The following EPB41L4B variants were observed in gnomAD, a reference collection of about 807,000 sequenced individuals.
EPB41L4B encodes the protein band 4.1-like protein 4B.
A neutral mutation model predicts 112.5 loss-of-function variants in EPB41L4B; 30 were observed. That is an observed-to-expected ratio of 0.27 (90% CI 0.20 to 0.36). EPB41L4B has a LOEUF of 0.36. Ranked by LOEUF, EPB41L4B falls within the 10% of genes least tolerant of loss-of-function variation. The pLI is 1.00. For synonymous variants in EPB41L4B, 408 were observed against 439.7 expected, an observed-to-expected ratio of 0.93 and a Z score of 0.90; for missense variants, 1,024 against 1,133.3, an observed-to-expected ratio of 0.90 and a Z score of 1.38.
intron 17 of EPB41L4B, 107 bp from the exon 18 acceptor site, chr9:109,208,156 A>T: frequency 7.5e-7 from 1 of 1,331,156 alleles, no homozygotes; most frequent in Non-Finnish European, 1.0e-6. Context: ...CTACATACAT[A>T]GACAGGGGTG....
chr9:109,278,912 T>C (rs991577878), intron 2 of EPB41L4B, among the ~76,000 whole-genome samples: 29 of 152,204 alleles, frequency 1.9e-4, no homozygotes, highest in Non-Finnish European at 2.5e-4. Flanking sequence ...CTGAGCTTTG[T>C]GGAGTTCACT....
At chr9:109,312,470 G>A (rs951266991) in intron 1 of EPB41L4B, among the ~76,000 whole-genome samples, 3 of 152,070 alleles carry the variant, frequency 2.0e-5, no homozygotes, top group African/African-American at 4.8e-5. Flanking sequence ...CTCAGGGGTC[G>A]CCATCCAGCT....
At chr9:109,181,891 T>C (rs1469727975) in intron 24 of EPB41L4B, among the ~76,000 whole-genome samples, 1 of 151,796 alleles carries the variant, frequency 6.6e-6, no homozygotes, top group African/African-American at 2.4e-5. Context: ...AGTATATAGA[T>C]ACAATGGAAT....
intron 20 of EPB41L4B, chr9:109,196,091 G>T (rs1409747810): frequency 6.6e-6 from 1 of 151,678 alleles, no homozygotes. Flanking sequence ...GGTTATTTTT[G>T]ATTCTGGGAA....
At chr9:109,233,823 C>T (rs1400193852) in intron 15 of EPB41L4B, among the ~76,000 whole-genome samples, 5 of 152,190 alleles carry the variant, frequency 3.3e-5, no homozygotes, top group African/African-American at 4.8e-5. Flanking sequence ...TGAGCCACCA[C>T]GCTTAGCCTG....
intron 6 of EPB41L4B, among the ~76,000 whole-genome samples, chr9:109,260,245 T>C (rs573580297): frequency 1.6e-3 from 241 of 151,990 alleles, no homozygotes; most frequent in African/African-American, 5.5e-3. Flanking sequence ...AATTTTTGTA[T>C]TTTTTGTAGA....
rs1480663224 is a variant in EPB41L4B, at chr9:109,255,660, C to A, written c.1020G>T (p.Thr340=). The A allele has an allele frequency of 1.9e-6, 3 of 1,613,112 alleles. No individual in the cohort carries two copies. Among genetic ancestry groups the A allele is most frequent in the Non-Finnish European group, 1.7e-6 (2 of 1,179,092 alleles). ...TGGCACTGTCTAACCGGAACACAAACGTGTGCTCTTGCTCACGTCCCTTAA... is the reference window on the plus strand; with the variant it reads ...TGGCACTGTCTAACCGGAACACAAAAGTGTGCTCTTGCTCACGTCCCTTAA... The part of the protein sequence containing the change: ...DDDQGREQEH[T]FVFRLDSART... The change falls in exon 11 of 26, where the codon ACG becomes ACT. Residue 340 remains threonine, a synonymous_variant. Transcript: ENST00000374566.
chr9:109,198,232 C>T (rs139365846), intron 20 of EPB41L4B, among the ~76,000 whole-genome samples: 36 of 152,214 alleles, frequency 2.4e-4, no homozygotes, highest in African/African-American at 7.2e-4. Flanking sequence ...TCCAGAATCC[C>T]GTGTCCTGTC....
chr9:109,315,169 T>C (rs564812112), intron 1 of EPB41L4B, among the ~76,000 whole-genome samples: 40 of 152,244 alleles, frequency 2.6e-4, no homozygotes, highest in African/African-American at 8.9e-4. Flanking sequence ...CCCCCTACCA[T>C]TGCTACAGCA....
intron 2 of EPB41L4B, 142 bp from the exon 3 acceptor site, chr9:109,268,575 G>A: frequency 1.4e-6 from 1 of 718,942 alleles, no homozygotes; most frequent in East Asian, 2.8e-5. Context: ...CTTAGGCTGG[G>A]AATCTGCAAA....
At chr9:109,205,051 G>A (rs1393217239) in intron 18 of EPB41L4B, among the ~76,000 whole-genome samples, 1 of 152,156 alleles carries the variant, frequency 6.6e-6, no homozygotes, top group Non-Finnish European at 1.5e-5. Flanking sequence ...AGCTACTTAT[G>A]GCCAGTTAGG....
At chr9:109,259,210 T>TA (rs1194344150) in intron 6 of EPB41L4B, among the ~76,000 whole-genome samples, 2 of 152,204 alleles carry the variant, frequency 1.3e-5, no homozygotes, top group Non-Finnish European at 2.9e-5. Context: ...AAACCTGCCT[T>TA]TTAACAAGAT....
intron 20 of EPB41L4B, chr9:109,196,143 T>A (rs553214045): frequency 2.0e-5 from 3 of 151,518 alleles, no homozygotes; most frequent in African/African-American, 7.2e-5. Flanking sequence ...TTACTTTTTT[T>A]TCTTTTCTTT....
At chr9:109,261,139 G>A (rs925816101) in intron 6 of EPB41L4B, among the ~76,000 whole-genome samples, 2 of 152,126 alleles carry the variant, frequency 1.3e-5, no homozygotes, top group Non-Finnish European at 1.5e-5. Flanking sequence ...CGGAGGCCAC[G>A]GCCATGTTCT....
At chr9:109,258,355 T>A in intron 6 of EPB41L4B, 58 bp from the exon 7 acceptor site, 2 of 1,585,376 alleles carry the variant, frequency 1.3e-6, no homozygotes, top group Middle Eastern at 3.4e-4. Flanking sequence ...CAGTTATTGC[T>A]GCAACCAGGT....
rs569162217 is a variant in EPB41L4B, at chr9:109,275,089, A to G, written c.411+4728T>C. On this transcript the variant is annotated intron_variant, in intron 2 of 25. Coordinates refer to ENST00000374566, the MANE Select transcript of EPB41L4B (RefSeq NM_019114.5). ...GGATGGCCTCCTGTTTTGACATGGA[A>G]AAGGGAAACAGGAGGTCCTAGTCCC... is the stretch of plus-strand genomic sequence containing the variant. Among the ~76,000 whole-genome samples, 3 of 152,328 alleles carry G rather than the reference A, an allele frequency of 2.0e-5. No individual in the cohort carries two copies. The South Asian group carries it at 6.2e-4, about 32-fold the overall frequency.
intron 19 of EPB41L4B, among the ~76,000 whole-genome samples, chr9:109,202,534 C>A (rs1249862416): frequency 1.3e-5 from 2 of 152,224 alleles, no homozygotes; most frequent in Middle Eastern, 3.4e-3. Flanking sequence ...GGTCCTTGGA[C>A]CCATTTTGGG....
chr9:109,282,652 G>A (rs537960014), intron 1 of EPB41L4B, among the ~76,000 whole-genome samples: 6 of 152,088 alleles, frequency 3.9e-5, no homozygotes, highest in Non-Finnish European at 7.4e-5. Flanking sequence ...CTCTCTCTCC[G>A]CAAGATTTAG....
At chr9:109,251,277 C>T (rs1349947170) in intron 13 of EPB41L4B, among the ~76,000 whole-genome samples, 2 of 152,080 alleles carry the variant, frequency 1.3e-5, no homozygotes. Flanking sequence ...CTGTGTTTGC[C>T]AAAAAAACCA....
Sources: allele counts gnomAD v4.1 joint callset (sites outside exome capture counted in the v4.1 genomes callset), GRCh38; gene constraint gnomAD v4.1.1; transcripts MANE v1.5; gene names NCBI Gene and HGNC (gene_info 2026-07-23, HGNC 2026-07-21).